The following ATF2 variants were observed in gnomAD, a reference collection of about 807,000 sequenced individuals.
The protein encoded by ATF2 is cyclic AMP-dependent transcription factor ATF-2.
In ATF2, 24 loss-of-function variants were observed where a neutral mutation model predicts 60.6. That is an observed-to-expected ratio of 0.40 (90% CI 0.29 to 0.56). ATF2 has a LOEUF of 0.56. Ranked by LOEUF, ATF2 falls within the 20% of genes least tolerant of loss-of-function variation. The probability of loss-of-function intolerance (pLI) is 0.54; values close to 1 mark genes in which losing one functional copy is unlikely to be tolerated. For synonymous variants in ATF2, 206 were observed against 215.4 expected (o/e 0.96, Z 0.38); for missense variants, 433 against 607.7 (o/e 0.71, Z 3.02).
intron 2 of ATF2, among the ~76,000 whole-genome samples, chr2:175,150,398 T>C (rs1279139906): frequency 5.9e-5 from 9 of 152,136 alleles, no homozygotes. Context: ...TAAATTGGTA[T>C]TTTCCTTCCA....
intron 3 of ATF2, among the ~76,000 whole-genome samples, chr2:175,135,449 C>T (rs879678742): frequency 8.5e-5 from 13 of 152,154 alleles, no homozygotes; most frequent in Non-Finnish European, 1.5e-4. Flanking sequence ...CAGATATTTT[C>T]AATTTACGAT....
At position 175,083,998 on chromosome 2, in the gene ATF2, T is replaced by C. The variant is rs544514560; in HGVS notation, c.1186-3233A>G. 4.3e-3 allele frequency among the ~76,000 whole-genome samples: 647 copies of C among 152,182 alleles called. 4 individuals carry two copies. Among genetic ancestry groups the C allele is most frequent in the African/African-American group, 0.015 (629 of 41,506 alleles). On this transcript the variant is annotated intron_variant, in intron 12 of 13. Transcript: ENST00000264110. ...CATTAAAAAGGCAGGAAACAACAGG[T>C]GCTGGAGAGGATATGGAGAAATAGG...
intron 1 of ATF2, among the ~76,000 whole-genome samples, chr2:175,165,170 A>G (rs1000828582): frequency 6.6e-6 from 1 of 152,216 alleles, no homozygotes; most frequent in African/African-American, 2.4e-5. Flanking sequence ...AAAATAACCC[A>G]ACAGGTGCTA....
At chr2:175,164,011 TTATTTA>T (rs914168918) in intron 1 of ATF2, among the ~76,000 whole-genome samples, 9 of 148,612 alleles carry the variant, frequency 6.1e-5, no homozygotes, top group Non-Finnish European at 1.2e-4. Flanking sequence ...GAATACATAT[TTATTTA>T]TAATTATATA....
intron 2 of ATF2, among the ~76,000 whole-genome samples, chr2:175,144,406 C>A (rs1313961061): frequency 6.6e-6 from 1 of 151,868 alleles, no homozygotes; most frequent in South Asian, 2.1e-4. Context: ...TAGACAGGCT[C>A]ATTACCAAAT....
intron 12 of ATF2, among the ~76,000 whole-genome samples, chr2:175,089,107 G>A (rs1289419178): frequency 6.6e-6 from 1 of 151,970 alleles, no homozygotes; most frequent in Non-Finnish European, 1.5e-5. Flanking sequence ...TTGAACCCGG[G>A]AGGTGGAGGT....
intron 1 of ATF2, among the ~76,000 whole-genome samples, chr2:175,158,454 C>T (rs112677009): frequency 4.6e-5 from 7 of 152,000 alleles, no homozygotes; most frequent in African/African-American, 1.7e-4. Context: ...ATTCCTTGAG[C>T]TCAAACTCTT....
At chr2:175,129,481 A>G (rs1559095258) in intron 4 of ATF2, among the ~76,000 whole-genome samples, 1 of 152,128 alleles carries the variant, frequency 6.6e-6, no homozygotes, top group East Asian at 1.9e-4. Context: ...AATATCAACT[A>G]AAGAAAATAA....
rs900348502 is a variant in ATF2, at chr2:175,156,978, G to A, written c.-142-5820C>T. 5.3e-5 allele frequency among the ~76,000 whole-genome samples: 8 copies of A among 152,162 alleles called. No individual in the cohort carries two copies. In the East Asian group the frequency reaches 1.4e-3, roughly 26 times the overall value. ...AGCAGCACCACCTTATAGACACAGG[G>A]TATTTTTTTTCTATTTTTGTAACAT... On this transcript the variant is annotated intron_variant, in intron 1 of 13. Transcript: ENST00000264110.
intron 12 of ATF2, among the ~76,000 whole-genome samples, chr2:175,082,430 T>C (rs1693827576): frequency 1.3e-5 from 2 of 152,174 alleles, no homozygotes; most frequent in Non-Finnish European, 2.9e-5. Context: ...TAGTTCAGTA[T>C]AAATGACACT....
intron 8 of ATF2, chr2:175,114,389 G>A (rs1007655050): frequency 1.1e-5 from 14 of 1,250,902 alleles, no homozygotes; most frequent in Non-Finnish European, 1.1e-5. Flanking sequence ...GGAGCTACCA[G>A]TAAGAACTGA....
rs1185904417 is a variant in ATF2, at chr2:175,130,127, T to G, written c.102+11A>C. ...AATATACAAAATAATTTAAAGTAAT[T>G]TATATATTACCTGGCCACATCCAGG... On this transcript the variant is annotated intron_variant, in intron 4 of 13. Transcript: ENST00000264110. 1.3e-6 allele frequency: 2 copies of G among 1,545,016 alleles called. No homozygotes were observed. Among genetic ancestry groups the G allele is most frequent in the South Asian group, 1.2e-5 (1 of 81,048 alleles).
chr2:175,077,250 A>G (rs1473514667), intron 13 of ATF2, among the ~76,000 whole-genome samples: 1 of 152,136 alleles, frequency 6.6e-6, no homozygotes, highest in South Asian at 2.1e-4. Flanking sequence ...TAGTGCTGCA[A>G]TAAACATACA....
chr2:175,113,076 G>T (rs1190104853), intron 9 of ATF2, among the ~76,000 whole-genome samples: 1 of 152,090 alleles, frequency 6.6e-6, no homozygotes, highest in Non-Finnish European at 1.5e-5. Context: ...AGATGAAAAA[G>T]AAAATACTGT....
chr2:175,101,938 C>T (rs1695339782), intron 10 of ATF2, among the ~76,000 whole-genome samples: 1 of 151,978 alleles, frequency 6.6e-6, no homozygotes, highest in Non-Finnish European at 1.5e-5. Flanking sequence ...TGCACACACG[C>T]TAAAAAAATT....
intron 2 of ATF2, among the ~76,000 whole-genome samples, chr2:175,144,374 C>T (rs1485350950): frequency 6.6e-6 from 1 of 152,026 alleles, no homozygotes; most frequent in Non-Finnish European, 1.5e-5. Context: ...TACAGAGAGA[C>T]TTTTAGAATT....
rs372589188 is a variant in ATF2, at chr2:175,074,614, T to A, written c.1513A>T (p.Ser505Cys). The A allele has an allele frequency of 6.2e-7, 1 of 1,611,396 alleles. No homozygotes were observed. Among genetic ancestry groups the A allele is most frequent in the African/African-American group, 1.3e-5 (1 of 74,852 alleles). The change falls in exon 14 of 14, where the codon AGT becomes TGT. Residue 505 changes from serine to cysteine, a missense_variant. Physicochemically the swap from Ser to Cys is moderately radical, Grantham distance 112 (BLOSUM62 -1). Around this residue, in one of 5 missense-constraint regions of ATF2, gnomAD observed 114 missense variants for 104.0 expected, o/e 1.10. Coordinates refer to ENST00000264110, the MANE Select transcript of ATF2 (RefSeq NM_001880.4). ...APSSQSQPSG[S>C] ...GTTGTACTGCAGGTTTTTAATCAAC[T>A]TCCTGAGGGCTGTGACTGGGAGGAA...
At chr2:175,097,358 A>C in intron 11 of ATF2, 86 bp downstream of exon 11, 3 of 1,521,270 alleles carry the variant, frequency 2.0e-6, no homozygotes, top group Non-Finnish European at 2.7e-6. Context: ...TGACCAGAGT[A>C]ATATTTTTTA....
intron 13 of ATF2, among the ~76,000 whole-genome samples, chr2:175,078,137 T>A (rs1693489495): frequency 6.6e-6 from 1 of 152,176 alleles, no homozygotes; most frequent in Non-Finnish European, 1.5e-5. Flanking sequence ...CTGGCTTTTT[T>A]AAACTTTATT....
Sources: allele counts gnomAD v4.1 joint callset (sites outside exome capture counted in the v4.1 genomes callset), GRCh38; gene constraint gnomAD v4.1.1; regional missense constraint gnomAD v4.1.1; transcripts MANE v1.5; gene names NCBI Gene and HGNC (gene_info 2026-07-23, HGNC 2026-07-21).